Variants in PLCE1 observed in about 807,000 individuals in gnomAD.
The protein encoded by PLCE1 is phospholipase C epsilon 1.
PLCE1 carries 119 observed loss-of-function variants against 242.8 expected under a neutral mutation model. The observed-to-expected ratio is 0.49, with a 90% CI of 0.42 to 0.57. The LOEUF is 0.57. Ranked by LOEUF, PLCE1 falls within the 20% of genes least tolerant of loss-of-function variation. The probability of loss-of-function intolerance (pLI) is 0.00; values close to 1 mark genes in which losing one functional copy is unlikely to be tolerated. For missense variants in PLCE1, 2,441 were observed against 2,788.8 expected (o/e 0.88, Z 2.81); for synonymous variants, 945 against 1,017.4 (o/e 0.93, Z 1.35).
chr10:94,246,486 C>T lies in PLCE1; in HGVS notation c.2961C>T (p.His987=), dbSNP rs765580071. 3 of 1,614,208 alleles carry T rather than the reference C, an allele frequency of 1.9e-6. No individual in the cohort carries two copies. Among genetic ancestry groups the T allele is most frequent in the Non-Finnish European group, 2.5e-6 (3 of 1,180,028 alleles). The change falls in exon 8 of 33, where the codon CAC becomes CAT. Residue 987 remains histidine (H), a synonymous_variant. Transcript: ENST00000371380. ...AGACCACAGACAACAGATTATTGCA[C>T]TTCGTGGCACCAAAGCACACAGCTA... The part of the protein sequence containing the change: ...GLQTTDNRLL[H]FVAPKHTAKM...
chr10:94,094,207 C>G (rs1022502302), intron 2 of PLCE1, among the ~76,000 whole-genome samples: 4 of 148,964 alleles, frequency 2.7e-5, no homozygotes, highest in African/African-American at 1.0e-4. Flanking sequence ...TCCCAAAGTG[C>G]TGGGATTACA....
chr10:94,276,520 A>G (rs2051961259), intron 19 of PLCE1, among the ~76,000 whole-genome samples: 1 of 152,228 alleles, frequency 6.6e-6, no homozygotes, highest in Non-Finnish European at 1.5e-5. Flanking sequence ...TTATATAAAA[A>G]TAATTCCTTA....
intron 4 of PLCE1, among the ~76,000 whole-genome samples, chr10:94,214,759 A>C (rs994737776): frequency 2.6e-5 from 4 of 152,148 alleles, no homozygotes; most frequent in African/African-American, 9.7e-5. Context: ...TTGCGGGCTT[A>C]CTTTTGCTTA....
At chr10:94,301,207 G>T (rs369771351) in intron 24 of PLCE1, among the ~76,000 whole-genome samples, 1 of 151,948 alleles carries the variant, frequency 6.6e-6, no homozygotes, top group Admixed American at 6.6e-5. Flanking sequence ...AGCCGGGCGT[G>T]GTAGTGCATG....
chr10:94,085,514 G>A (rs1370797484), intron 2 of PLCE1, among the ~76,000 whole-genome samples: 2 of 152,134 alleles, frequency 1.3e-5, no homozygotes, highest in Non-Finnish European at 1.5e-5. Context: ...GAGTCATCCC[G>A]AGTTCCTGCA....
At chr10:94,249,572 G>A (rs1387923057) in intron 8 of PLCE1, among the ~76,000 whole-genome samples, 1 of 152,106 alleles carries the variant, frequency 6.6e-6, no homozygotes, top group Non-Finnish European at 1.5e-5. Flanking sequence ...TAATCATTCT[G>A]ACATTAGAAT....
At chr10:94,179,713 C>G (rs2048247748) in intron 4 of PLCE1, among the ~76,000 whole-genome samples, 1 of 151,392 alleles carries the variant, frequency 6.6e-6, no homozygotes, top group Admixed American at 6.6e-5. Context: ...ACTGTGTTGT[C>G]CAGGCTGGCC....
chr10:94,134,794 A>G (rs970961247), intron 3 of PLCE1, among the ~76,000 whole-genome samples: 7 of 152,146 alleles, frequency 4.6e-5, no homozygotes, highest in Non-Finnish European at 1.0e-4. Flanking sequence ...AACCTCATAG[A>G]TCAATATTTC....
At chr10:94,253,702 T>A (rs142929869) in intron 9 of PLCE1, among the ~76,000 whole-genome samples, 337 of 152,164 alleles carry the variant, frequency 2.2e-3, no homozygotes, top group South Asian at 0.01. Flanking sequence ...GAGCTAGAAC[T>A]CACTCATCAC....
intron 27 of PLCE1, among the ~76,000 whole-genome samples, chr10:94,310,278 G>C (rs1023020552): frequency 2.6e-5 from 4 of 152,106 alleles, no homozygotes; most frequent in African/African-American, 9.7e-5. Flanking sequence ...CCCTTCTCCT[G>C]CCCTCACCAC....
chr10:94,284,928 T>A lies in PLCE1; in HGVS notation c.4998T>A (p.Ser1666=), dbSNP rs764270552. ...GCAGACAGATTGCACCAGAGCTTTCTGACCTTGTAATCTATTGTCAAGCAG... is the reference window on the plus strand; with the variant it reads ...GCAGACAGATTGCACCAGAGCTTTCAGACCTTGTAATCTATTGTCAAGCAG... ...KESRQIAPEL[S]DLVIYCQAVK... is the part of the protein sequence containing the mutation. Residue 1666 remains serine (S), a synonymous_variant, in exon 22 of 33, where the codon TCT becomes TCA. Transcript: ENST00000371380. 3 of 1,610,124 alleles carry A rather than the reference T, an allele frequency of 1.9e-6. No homozygotes were observed. The highest frequency in any genetic ancestry group is 2.6e-6 in the Non-Finnish European group (3 of 1,176,462).
In PLCE1 at chr10:94,265,822, C is replaced by T; in HGVS notation, c.4145C>T (p.Ser1382Leu). ...RFLMDKENFA[S>L]KNDESQENIK... ...CTGATGGATAAAGAAAATTTTGCCT[C>T]AAAAAATGATGAGTCACAGGAGAAC... Residue 1382 changes from serine (S) to leucine (L), a missense_variant, in exon 16 of 33, where the codon TCA (serine) becomes TTA (leucine). Ser to Leu is a moderately radical substitution (Grantham distance 145, BLOSUM62 -2). Transcript: ENST00000371380. 6.2e-7 allele frequency: 1 copy of T among 1,613,972 alleles called. No homozygotes were observed. The highest frequency in any genetic ancestry group is 8.5e-7 in the Non-Finnish European group (1 of 1,179,950).
At position 94,318,112 on chromosome 10, in the gene PLCE1, T is replaced by G. The variant is rs781037902; in HGVS notation, c.6342+1356T>G. 1.0e-3 allele frequency among the ~76,000 whole-genome samples: 158 copies of G among 152,222 alleles called. 2 individuals carry two copies. The highest frequency in any genetic ancestry group is 3.2e-4 in the Non-Finnish European group (22 of 68,036). On this transcript the variant is annotated intron_variant, in intron 29 of 32. Coordinates refer to ENST00000371380, the MANE Select transcript of PLCE1 (RefSeq NM_016341.4). ...AACTCTAGAGCCCAGAGCCACTGCCTTCTTTCCCTGACCTTGCCTGAGACA... is the reference window on the plus strand; with the variant it reads ...AACTCTAGAGCCCAGAGCCACTGCCGTCTTTCCCTGACCTTGCCTGAGACA...
At chr10:94,168,961 G>T (rs1317577455) in intron 3 of PLCE1, among the ~76,000 whole-genome samples, 1 of 152,068 alleles carries the variant, frequency 6.6e-6, no homozygotes, top group East Asian at 1.9e-4. Context: ...AGCTGGAGGG[G>T]GAGGCCATCT....
intron 3 of PLCE1, among the ~76,000 whole-genome samples, chr10:94,150,272 C>T (rs966165986): frequency 2.6e-5 from 4 of 152,188 alleles, no homozygotes; most frequent in African/African-American, 9.7e-5. Flanking sequence ...GATGGGAAAA[C>T]TGTGACTTAG....
At chr10:94,018,558 A>G (rs1382385413) in intron 1 of PLCE1, among the ~76,000 whole-genome samples, 1 of 152,094 alleles carries the variant, frequency 6.6e-6, no homozygotes. Context: ...TTCACTGATG[A>G]CTTGAGTTTA....
chr10:94,048,928 AT>A (rs1398746123), intron 2 of PLCE1, among the ~76,000 whole-genome samples: 3 of 149,160 alleles, frequency 2.0e-5, no homozygotes, highest in Admixed American at 6.7e-5. Flanking sequence ...ATGCCTGGCT[AT>A]TTTTTTTTAT....
chr10:94,310,457 G>T (rs1196887700), intron 27 of PLCE1, among the ~76,000 whole-genome samples: 5 of 152,184 alleles, frequency 3.3e-5, no homozygotes, highest in Non-Finnish European at 7.3e-5. Context: ...AGTCTCTGCA[G>T]GTGGGCCCCA....
At position 94,290,498 on chromosome 10, in the gene PLCE1, C is replaced by T. The variant is rs552807237; in HGVS notation, c.5036-3010C>T. ...CAGATACAAGCACCCACATTAGCCT[C>T]GATCTACACAGAGTCAAGATCACCA... is the stretch of plus-strand genomic sequence containing the variant. On this transcript the variant is annotated intron_variant, in intron 22 of 32. Transcript: ENST00000371380. Among the ~76,000 whole-genome samples, 4 of 76,278 alleles carry T rather than the reference C, an allele frequency of 5.2e-5. No individual in the cohort carries two copies. The South Asian group carries it at 1.5e-3, about 29-fold the overall frequency. 50.0% of individuals were successfully genotyped at this position (76,278 alleles called of 152,430 possible).
Sources: allele counts gnomAD v4.1 joint callset (sites outside exome capture counted in the v4.1 genomes callset), GRCh38; gene constraint gnomAD v4.1.1; transcripts MANE v1.5; gene names NCBI Gene and HGNC (gene_info 2026-07-23, HGNC 2026-07-21).